Variants in CNTNAP3 observed in about 807,000 individuals in gnomAD.
CNTNAP3 encodes contactin-associated protein-like 3.
In CNTNAP3, 36 loss-of-function variants were observed where a neutral mutation model predicts 92.1. That is an observed-to-expected ratio of 0.39 (90% CI 0.30 to 0.52). CNTNAP3 has a LOEUF of 0.52. CNTNAP3 is among the 20% of genes least tolerant of loss of function. The pLI is 0.76. For synonymous variants in CNTNAP3, 232 were observed against 422.3 expected (o/e 0.55, Z 5.53); for missense variants, 534 against 1,069.6 (o/e 0.50, Z 6.98).
Position 39,140,595 on chromosome 9 carries a change from G to A in CNTNAP3, c.1800C>T (p.Asn600=). 3 of 1,613,426 alleles carry A rather than the reference G, an allele frequency of 1.9e-6. No individual in the cohort carries two copies. The highest frequency in any genetic ancestry group is 2.5e-6 in the Non-Finnish European group (3 of 1,179,668). ...CATCAATATAGTAAAGCCCAGACGG[G>A]TTCCCTCGGTGCTTGTGGGCTTCAC... ...QSCEAHKHRG[N]PSGLYYIDAD... The change falls in exon 12 of 24, where the codon AAC becomes AAT. Residue 600 remains asparagine, a synonymous_variant. Transcript: ENST00000297668.
intron 14 of CNTNAP3, among the ~76,000 whole-genome samples, chr9:39,109,962 G>A (rs1474453211): frequency 1.3e-5 from 2 of 151,980 alleles, no homozygotes; most frequent in Admixed American, 6.6e-5. Context: ...TGATTACTGG[G>A]TATTTCTTTC....
At chr9:39,082,461 GA>G (rs55860248) in intron 21 of CNTNAP3, among the ~76,000 whole-genome samples, 5 of 150,142 alleles carry the variant, frequency 3.3e-5, no homozygotes, top group African/African-American at 1.2e-4. Flanking sequence ...CTCTTTCTTG[GA>G]AAAAAAAACC....
rs540674937 is a variant in CNTNAP3 at position 39,078,742 on chromosome 9, C to G, written c.3621G>C (p.Ala1207=). The G allele has an allele frequency of 1.2e-3, 1,805 of 1,470,366 alleles. 7 individuals are homozygous for G. The highest frequency in any genetic ancestry group is 1.5e-3 in the Non-Finnish European group (1,655 of 1,116,750). The allele number at this position is 1,470,366 out of a possible 1,614,324, so 91.1% of individuals were successfully genotyped here. A position where few individuals can be genotyped will look rare whatever the true frequency, so the allele number is the denominator to read the frequency against. The change falls in exon 22 of 24, where the codon GCG becomes GCC. Residue 1207 remains alanine, a synonymous_variant. Transcript: ENST00000297668. The part of the protein sequence containing the change: ...VAPMARCAAG[A]ASGSPARELA... Reference sequence around the variant, plus strand: ...GTTCCCGCGCCGGGGAGCCGGACGCCGCCCCCGCTGCGCAGCGGGCCATAG... The same window carrying G: ...GTTCCCGCGCCGGGGAGCCGGACGCGGCCCCCGCTGCGCAGCGGGCCATAG...
In CNTNAP3 at chr9:39,066,180, T is replaced by A. The variant is rs1241447365; in HGVS notation, c.*7710A>T. On this transcript the variant is annotated 3_prime_UTR_variant, in exon 24 of 24. Transcript: ENST00000297668. Reference sequence around the variant, plus strand: ...CTTTAGGGATTACACCATACAGATGTTTTAACTTAAAGATAACTTGTAATA... The same window carrying A: ...CTTTAGGGATTACACCATACAGATGATTTAACTTAAAGATAACTTGTAATA... Among the ~76,000 whole-genome samples, 1 of 152,244 alleles carries A rather than the reference T, an allele frequency of 6.6e-6. No individual in the cohort carries two copies. The highest frequency in any genetic ancestry group is 1.5e-5 in the Non-Finnish European group (1 of 68,034).
chr9:39,122,153 G>A (rs951652675), intron 13 of CNTNAP3, among the ~76,000 whole-genome samples: 2 of 152,112 alleles, frequency 1.3e-5, no homozygotes, highest in Non-Finnish European at 2.9e-5. Flanking sequence ...AGGAGATCGA[G>A]ACCATCCTGG....
intron 23 of CNTNAP3, among the ~76,000 whole-genome samples, chr9:39,075,748 C>T (rs1339255511): frequency 6.6e-6 from 1 of 152,300 alleles, no homozygotes; most frequent in East Asian, 1.9e-4. Context: ...GTCATTTCTC[C>T]ACAAATGTAT....
chr9:39,256,158 G>A (rs2118331025), intron 2 of CNTNAP3, among the ~76,000 whole-genome samples: 1 of 25,364 alleles, frequency 3.9e-5, no homozygotes, highest in African/African-American at 8.2e-5. Flanking sequence ...AAAACTCAGG[G>A]AGATAAAGGA....
At chr9:39,103,419 C>T (rs1395652937) in intron 16 of CNTNAP3, among the ~76,000 whole-genome samples, 4 of 151,904 alleles carry the variant, frequency 2.6e-5, no homozygotes, top group Non-Finnish European at 4.4e-5. Context: ...CCACCTCTAC[C>T]AAAAATACAA....
Position 39,148,185 on chromosome 9 carries a change from G to GCATTTATATCTCAACATTTGAAT in CNTNAP3, c.1649+1620_1649+1621insATTCAAATGTTGAGATATAAATG, listed in dbSNP as rs1821749241. ...GAGATATAAATGCAGTCCCAGCTGT[G>GCATTTATATCTCAACATTTGAAT]TGCCAAGAATTCAAATCTCAAGGTC... On this transcript the variant is annotated intron_variant, in intron 10 of 23. Coordinates refer to ENST00000297668, the MANE Select transcript of CNTNAP3 (RefSeq NM_033655.5). 2.0e-5 allele frequency among the ~76,000 whole-genome samples: 3 copies of GCATTTATATCTCAACATTTGAAT among 151,970 alleles called. No individual in the cohort carries two copies. The South Asian group carries it at 6.2e-4, about 32-fold the overall frequency.
chr9:39,105,381 CAT>C (rs1826579932), intron 15 of CNTNAP3, among the ~76,000 whole-genome samples: 1 of 152,118 alleles, frequency 6.6e-6, no homozygotes, highest in Non-Finnish European at 1.5e-5. Context: ...GAGGTGAGAT[CAT>C]GCCACTGCAC....
intron 10 of CNTNAP3, among the ~76,000 whole-genome samples, chr9:39,148,115 A>G (rs1821747093): frequency 6.6e-6 from 1 of 151,834 alleles, no homozygotes; most frequent in Non-Finnish European, 1.5e-5. Context: ...AACCTTCCCA[A>G]CTACCCTTCC....
chr9:39,146,220 G>A (rs1308641000), intron 10 of CNTNAP3, among the ~76,000 whole-genome samples: 2 of 152,098 alleles, frequency 1.3e-5, no homozygotes, highest in Non-Finnish European at 2.9e-5. Context: ...GGGAGGGCAG[G>A]AGTGGGGTCA....
At chr9:39,143,417 A>C (rs938899364) in intron 11 of CNTNAP3, among the ~76,000 whole-genome samples, 11 of 152,150 alleles carry the variant, frequency 7.2e-5, no homozygotes, top group Admixed American at 7.2e-4. Flanking sequence ...TGGTGCATGG[A>C]CCACCAATCA....
intron 11 of CNTNAP3, among the ~76,000 whole-genome samples, chr9:39,141,207 T>C (rs2118094602): frequency 6.6e-6 from 1 of 152,298 alleles, no homozygotes; most frequent in East Asian, 1.9e-4. Flanking sequence ...AATTAAACTC[T>C]ATAATTAAGG....
At position 39,067,292 on chromosome 9, in the gene CNTNAP3, G is replaced by T. The variant is rs1587688729; in HGVS notation, c.*6598C>A. On this transcript the variant is annotated 3_prime_UTR_variant, in exon 24 of 24. Transcript: ENST00000297668. ...AATTCTAACATCTGGGTATGTGCTG[G>T]GTCATTTTAGATTGATTTTTATCCT... Among the ~76,000 whole-genome samples, 1 of 152,312 alleles carries T rather than the reference G, an allele frequency of 6.6e-6. No individual in the cohort carries two copies. Among genetic ancestry groups the T allele is most frequent in the East Asian group, 1.9e-4 (1 of 5,208 alleles).
intron 10 of CNTNAP3, among the ~76,000 whole-genome samples, chr9:39,149,127 C>T (rs1191951766): frequency 6.6e-5 from 10 of 152,078 alleles, no homozygotes; most frequent in Non-Finnish European, 1.2e-4. Flanking sequence ...ATTTTCTCTG[C>T]AGAACATGTG....
At chr9:39,107,475 T>G (rs1587710734) in intron 15 of CNTNAP3, among the ~76,000 whole-genome samples, 1 of 152,022 alleles carries the variant, frequency 6.6e-6, no homozygotes. Flanking sequence ...AAAAATTTCA[T>G]AAGAGTTTTA....
intron 14 of CNTNAP3, among the ~76,000 whole-genome samples, chr9:39,113,218 C>T (rs887516855): frequency 3.3e-5 from 5 of 151,984 alleles, no homozygotes; most frequent in African/African-American, 9.7e-5. Flanking sequence ...AAATCACCCC[C>T]GATTGAGAAC....
intron 13 of CNTNAP3, among the ~76,000 whole-genome samples, chr9:39,123,475 A>G (rs1384656248): frequency 2.6e-5 from 4 of 152,072 alleles, no homozygotes; most frequent in Non-Finnish European, 4.4e-5. Flanking sequence ...AGTGAGAACC[A>G]GAAGAAATAT....
Sources: allele counts gnomAD v4.1 joint callset (sites outside exome capture counted in the v4.1 genomes callset), GRCh38; gene constraint gnomAD v4.1.1; transcripts MANE v1.5; gene names NCBI Gene and HGNC (gene_info 2026-07-23, HGNC 2026-07-21).